TNKS1BP1: variants seen among roughly 807,000 people sequenced by gnomAD.
TNKS1BP1 encodes the protein 182 kDa tankyrase-1-binding protein.
In TNKS1BP1, 48 loss-of-function variants were observed where a neutral mutation model predicts 141.1. The observed-to-expected ratio is 0.34, with a 90% CI of 0.27 to 0.43. TNKS1BP1 has a LOEUF of 0.43. Ranked by LOEUF, TNKS1BP1 falls within the 20% of genes least tolerant of loss-of-function variation. The pLI is 1.00. For missense variants in TNKS1BP1, 2,149 were observed against 2,226.0 expected, an observed-to-expected ratio of 0.97 and a Z score of 0.70; for synonymous variants, 875 against 898.2, an observed-to-expected ratio of 0.97 and a Z score of 0.46.
Position 57,309,093 on chromosome 11 carries a change from G to A in TNKS1BP1, c.3618C>T (p.Thr1206=), listed in dbSNP as rs768772674. The part of the protein sequence containing the change: ...GGLSLRDMNL[T]GCLESGGSEE... ...CAGACCCTCCACTTTCCAAACAGCCGGTCAGGTTCATGTCTCTCAAGCTCA... is the reference window on the plus strand; with the variant it reads ...CAGACCCTCCACTTTCCAAACAGCCAGTCAGGTTCATGTCTCTCAAGCTCA... The change falls in exon 6 of 12, where the codon ACC becomes ACT. Residue 1206 remains threonine (T), a synonymous_variant. Transcript: ENST00000358252. The surrounding 1 kb of genome is among the most constrained non-coding windows in gnomAD (Gnocchi z 4.3). 5.0e-5 allele frequency: 81 copies of A among 1,613,870 alleles called. No individual in the cohort carries two copies. The highest frequency in any genetic ancestry group is 1.6e-4 in the Middle Eastern group (1 of 6,084).
rs1855656055 is a variant in TNKS1BP1, at chr11:57,308,884, A to G, written c.3827T>C (p.Val1276Ala). ...GEFLKSRERGVGQADWTPDLG... is the reference protein window; with the variant it reads ...GEFLKSRERGAGQADWTPDLG... ...GTCAGGTGTCCAGTCTGCCTGTCCA[A>G]CTCCACGCTCCCTTGATTTAAGGAA... Residue 1276 changes from valine to alanine, a missense_variant, in exon 6 of 12, where the codon GTT (valine) becomes GCT (alanine). Transcript: ENST00000358252. 1 of 1,613,150 alleles carries G rather than the reference A, an allele frequency of 6.2e-7. No individual in the cohort carries two copies. Among genetic ancestry groups the G allele is most frequent in the Non-Finnish European group, 8.5e-7 (1 of 1,179,788 alleles).
At chr11:57,315,497 G>A (rs1453506550) in intron 4 of TNKS1BP1, among the ~76,000 whole-genome samples, 1 of 152,064 alleles carries the variant, frequency 6.6e-6, no homozygotes. Flanking sequence ...GTAGCTGCAT[G>A]TGGCTGGATA....
At chr11:57,305,143 G>A (rs952148254) in intron 6 of TNKS1BP1, among the ~76,000 whole-genome samples, 25 of 152,276 alleles carry the variant, frequency 1.6e-4, no homozygotes, top group African/African-American at 5.5e-4. Flanking sequence ...GGGTAGTTAG[G>A]AACACAGGGA....
Position 57,317,808 on chromosome 11 carries a change from G to A in TNKS1BP1, c.798+10C>T, listed in dbSNP as rs1441390227. ...ACGTGATTCTGATTCATAACTGGAG[G>A]ATAACTCACATCAGCAGGTAGCTCC... On this transcript the variant is annotated intron_variant, in intron 4 of 11. Coordinates refer to ENST00000358252, the MANE Select transcript of TNKS1BP1 (RefSeq NM_033396.3). 1 of 1,613,004 alleles carries A rather than the reference G, an allele frequency of 6.2e-7. No individual in the cohort carries two copies. The highest frequency in any genetic ancestry group is 1.1e-5 in the South Asian group (1 of 91,056).
In TNKS1BP1 at chr11:57,324,890, C is replaced by CCCGCCG. The variant is rs1399357753; in HGVS notation, c.-122_-117dup. On this transcript the variant is annotated 5_prime_UTR_variant, in exon 1 of 12. Coordinates refer to ENST00000358252, the MANE Select transcript of TNKS1BP1 (RefSeq NM_033396.3). Reference sequence around the variant, plus strand: ...TCGGCTCGGGGCCCCGATGCCAGTCCCCGCCGCCGCCGCCGCTGCTACCGC... The same window carrying CCCGCCG: ...TCGGCTCGGGGCCCCGATGCCAGTCCCCGCCGCCGCCGCCGCCGCCGCTGCTACCGC... 38 of 991,718 alleles carry CCCGCCG rather than the reference C, an allele frequency of 3.8e-5. No homozygotes were observed. The highest frequency in any genetic ancestry group is 4.5e-5 in the Non-Finnish European group (38 of 835,478). The allele number at this position is 991,718 out of a possible 1,614,324, so 61.4% of individuals were successfully genotyped here. A position where few individuals can be genotyped will look rare whatever the true frequency, so the allele number is the denominator to read the frequency against.
At chr11:57,316,451 A>G (rs1276146711) in intron 4 of TNKS1BP1, among the ~76,000 whole-genome samples, 7 of 152,144 alleles carry the variant, frequency 4.6e-5, no homozygotes, top group Non-Finnish European at 4.4e-5. Flanking sequence ...ACGTTTCCAC[A>G]TGGATGTCTG....
Position 57,321,816 on chromosome 11 carries a change from G to A in TNKS1BP1, c.70C>T (p.Leu24=). 1 of 1,608,606 alleles carries A rather than the reference G, an allele frequency of 6.2e-7. No individual in the cohort carries two copies. Among genetic ancestry groups the A allele is most frequent in the Non-Finnish European group, 8.5e-7 (1 of 1,176,728 alleles). ...CCTGGCTCAGAGCCAGTAGGCACCA[G>A]CTCCTCCTCCATCTCCCGGGGCAGT... is the stretch of plus-strand genomic sequence containing the variant. ...SPLPREMEEE[L]VPTGSEPGDT... The change falls in exon 2 of 12, where the codon CTG becomes TTG. Residue 24 remains leucine, a synonymous_variant. Transcript: ENST00000358252.
chr11:57,308,258 A>C (rs1855642818), intron 6 of TNKS1BP1, 137 bp downstream of exon 6: 1 of 1,240,786 alleles, frequency 8.1e-7, no homozygotes, highest in Admixed American at 2.5e-5. Context: ...AAAAATTCTT[A>C]GTCCAAAATG....
Position 57,310,351 on chromosome 11 carries a change from G to A in TNKS1BP1, c.2360C>T (p.Thr787Ile). The change falls in exon 6 of 12, where the codon ACC becomes ATC. Residue 787 changes from threonine (T) to isoleucine (I), a missense_variant. Physicochemically the swap from Thr to Ile is moderately conservative, Grantham distance 89 (BLOSUM62 -1). Transcript: ENST00000358252. Reference protein sequence around the residue: ...KYGQGAGEGSTREWASRCGIG... With the variant: ...KYGQGAGEGSIREWASRCGIG... ...GCCACACCTGCTGGCCCACTCCCTG[G>A]TGCTCCCTTCCCCTGCTCCTTGCCC... 1.2e-6 allele frequency: 2 copies of A among 1,614,004 alleles called. No homozygotes were observed. Among genetic ancestry groups the A allele is most frequent in the Non-Finnish European group, 1.7e-6 (2 of 1,180,020 alleles).
In TNKS1BP1 at chr11:57,322,051, C is replaced by T. The variant is rs528799651; in HGVS notation, c.-65-101G>A. 63 of 811,962 alleles carry T rather than the reference C, an allele frequency of 7.8e-5. No homozygotes were observed. The African/African-American group carries it at 1.0e-3, about 13-fold the overall frequency. The allele number at this position is 811,962 out of a possible 1,614,324, so 50.3% of individuals were successfully genotyped here. A position where few individuals can be genotyped will look rare whatever the true frequency, so the allele number is the denominator to read the frequency against. The stretch of plus-strand genomic sequence containing the variant: ...TTTCTAACAGAGGCAGAGTGTGGGA[C>T]AGGAAGAGAGAACTTGGAGTGGGGG... On this transcript the variant is annotated intron_variant, in intron 1 of 11. Transcript: ENST00000358252.
rs1025619843 is a variant in TNKS1BP1, at chr11:57,300,923, T to C, written c.5090A>G (p.Lys1697Arg). The change falls in exon 10 of 12, where the codon AAG (lysine) becomes AGG (arginine). Residue 1697 changes from lysine to arginine, a missense_variant. Coordinates refer to ENST00000358252, the MANE Select transcript of TNKS1BP1 (RefSeq NM_033396.3). ...TGGCTTGGGAGGTAACGTGAGGGGC[T>C]TTCCCAGTCCTGGGACCTTGCAGGA... is the stretch of plus-strand genomic sequence containing the variant. ...SKSCKVPGLG[K>R]PLTLPPKPEK... The C allele has an allele frequency of 6.2e-7, 1 of 1,614,126 alleles. No individual in the cohort carries two copies. The highest frequency in any genetic ancestry group is 1.3e-5 in the African/African-American group (1 of 75,040).
At chr11:57,300,837 G>A in intron 10 of TNKS1BP1, 47 bp downstream of exon 10, 1 of 1,596,852 alleles carries the variant, frequency 6.3e-7, no homozygotes, top group Non-Finnish European at 8.5e-7. Flanking sequence ...CTTTTCATCA[G>A]GGTAATACAG....
chr11:57,320,735 G>C (rs1855873416), intron 2 of TNKS1BP1, 23 bp from the exon 3 acceptor site: 1 of 1,531,584 alleles, frequency 6.5e-7, no homozygotes, highest in Non-Finnish European at 8.8e-7. Flanking sequence ...AAGGGTTGGT[G>C]GGGGAGCTGT....
chr11:57,309,044 C>T lies in TNKS1BP1; in HGVS notation c.3667G>A (p.Gly1223Arg), dbSNP rs1344825174. The change falls in exon 6 of 12, where the codon GGG becomes AGG. Residue 1223 changes from glycine (G) to arginine (R), a missense_variant. Physicochemically the swap from Gly to Arg is moderately radical, Grantham distance 125. Transcript: ENST00000358252. This position sits in a 1 kb window ranked among gnomAD's most constrained non-coding sequence, Gnocchi z 4.3. ...ACATCAGAAGTCCAGTCCTTCTCCC[C>T]AACTCCGATTCCCCCCGGCTCTTCA... Reference protein sequence around the residue: ...GSEEPGGIGVGEKDWTSDVNV... With the variant: ...GSEEPGGIGVREKDWTSDVNV... The T allele has an allele frequency of 9.3e-6, 15 of 1,614,202 alleles. No homozygotes were observed. The highest frequency in any genetic ancestry group is 8.8e-5 in the South Asian group (8 of 91,080).
In TNKS1BP1 at chr11:57,310,386, G is replaced by A. The variant is rs774518324; in HGVS notation, c.2325C>T (p.Thr775=). The part of the protein sequence containing the change: ...GDPGLGERDW[T]SKYGQGAGEG... ...CCCCTGCTCCTTGCCCATACTTGCT[G>A]GTCCAGTCCCTCTCTCCGAGACCTG... is the stretch of plus-strand genomic sequence containing the variant. The change falls in exon 6 of 12, where the codon ACC becomes ACT. Residue 775 remains threonine, a synonymous_variant. Coordinates refer to ENST00000358252, the MANE Select transcript of TNKS1BP1 (RefSeq NM_033396.3). 1.2e-6 allele frequency: 2 copies of A among 1,614,030 alleles called. No homozygotes were observed. Among genetic ancestry groups the A allele is most frequent in the Admixed American group, 3.3e-5 (2 of 60,030 alleles).
Position 57,301,462 on chromosome 11 carries a change from C to CT in TNKS1BP1, c.4971+344dup, listed in dbSNP as rs553549670. On this transcript the variant is annotated intron_variant, in intron 9 of 11. Coordinates refer to ENST00000358252, the MANE Select transcript of TNKS1BP1 (RefSeq NM_033396.3). ...CCTCCACTCTGCTGTTAGGAAATAA[C>CT]TCCTCTCTCTCTGAACAGGCCCAGC... is the stretch of plus-strand genomic sequence containing the variant. 4.6e-5 allele frequency among the ~76,000 whole-genome samples: 7 copies of CT among 152,306 alleles called. No homozygotes were observed. The South Asian group carries it at 1.5e-3, about 32-fold the overall frequency.
chr11:57,305,377 A>G (rs2134349285), intron 6 of TNKS1BP1, among the ~76,000 whole-genome samples: 1 of 152,314 alleles, frequency 6.6e-6, no homozygotes, highest in Non-Finnish European at 1.5e-5. Context: ...CATCCTCAAC[A>G]CGGGTCCCTG....
intron 1 of TNKS1BP1, chr11:57,322,316 G>A: frequency 1.0e-6 from 1 of 993,582 alleles, no homozygotes; most frequent in Non-Finnish European, 1.2e-6. Flanking sequence ...TGCAAAGTAT[G>A]AAGTCTGTCT....
At chr11:57,314,026 T>A in intron 4 of TNKS1BP1, 137 bp from the exon 5 acceptor site, 2 of 1,031,802 alleles carry the variant, frequency 1.9e-6, no homozygotes, top group Non-Finnish European at 1.3e-6. Context: ...GGGGTCCTCT[T>A]GGGATAGCTG....
Sources: gnomAD v4.1 joint callset for allele counts (sites outside exome capture counted in the v4.1 genomes callset) on GRCh38, gnomAD v4.1.1 for gene constraint, Gnocchi (gnomAD v3.1) non-coding constraint, MANE v1.5 for transcripts, NCBI Gene and HGNC (gene_info 2026-07-23, HGNC 2026-07-21) for gene names.